The following LIFR variants were observed in gnomAD, a reference collection of about 807,000 sequenced individuals.
LIFR encodes LIF receptor subunit alpha, also known as leukemia inhibitory factor receptor.
Under a neutral mutation model 122.2 loss-of-function variants are expected in LIFR, and 84 were observed. That is an observed-to-expected ratio of 0.69 (90% CI 0.58 to 0.82). The LOEUF is 0.82. LIFR is among the 40% of genes least tolerant of loss of function. The pLI, the probability that LIFR is intolerant of heterozygous loss-of-function variation, is 0.00. For missense variants in LIFR, 1,294 were observed against 1,311.6 expected (o/e 0.99, Z 0.21); for synonymous variants, 422 against 434.7 (o/e 0.97, Z 0.36).
intron 7 of LIFR, 69 bp from the exon 8 acceptor site, chr5:38,506,701 C>T (rs762745026): frequency 3.6e-5 from 48 of 1,325,404 alleles, no homozygotes; most frequent in South Asian, 6.2e-5. Context: ...ATTTTATAAA[C>T]GTCAATGTTT....
chr5:38,550,147 T>C (rs990415272), intron 1 of LIFR: 3 of 463,962 alleles, frequency 6.5e-6, no homozygotes, highest in African/African-American at 2.1e-5. Context: ...ATTGCCCTCC[T>C]GTAAAGTTAT....
rs373729193 is a variant in LIFR, at chr5:38,481,712, A to T, written c.3177T>A (p.Ser1059Arg). 2.5e-6 allele frequency: 4 copies of T among 1,614,062 alleles called. No homozygotes were observed. Among genetic ancestry groups the T allele is most frequent in the Non-Finnish European group, 3.4e-6 (4 of 1,180,028 alleles). Reference sequence around the variant, plus strand: ...ATTGTCGGGAATTAATGGAGCATGGACTTCCAAATGAGACAATCTCACTGT... The same window carrying T: ...ATTGTCGGGAATTAATGGAGCATGGTCTTCCAAATGAGACAATCTCACTGT... ...DSNSEIVSFGSPCSINSRQFL... is the reference protein window; with the variant it reads ...DSNSEIVSFGRPCSINSRQFL... The change falls in exon 20 of 20, where the codon AGT becomes AGA. Residue 1059 changes from serine (S) to arginine (R), a missense_variant. Physicochemically the swap from Ser to Arg is moderately radical, Grantham distance 110. Transcript: ENST00000453190.
rs567584151 is a variant in LIFR, at chr5:38,486,412, G to C, written c.2336-432C>G. Among the ~76,000 whole-genome samples, 23 of 152,334 alleles carry C rather than the reference G, an allele frequency of 1.5e-4. No individual in the cohort carries two copies. The South Asian group carries it at 4.6e-3, about 30-fold the overall frequency. On this transcript the variant is annotated intron_variant, in intron 16 of 19. Transcript: ENST00000453190. ...GATGAAGCAAACCTGCAGATCAATA[G>C]AGATGACTCCAAACCACTTAGAAAA...
intron 1 of LIFR, among the ~76,000 whole-genome samples, chr5:38,540,908 TA>T (rs1747556842): frequency 6.6e-6 from 1 of 152,174 alleles, no homozygotes; most frequent in Non-Finnish European, 1.5e-5. Context: ...GAAATAATCT[TA>T]AAATATAAAC....
chr5:38,526,108 A>T (rs1746664195), intron 4 of LIFR, among the ~76,000 whole-genome samples: 1 of 152,224 alleles, frequency 6.6e-6, no homozygotes, highest in African/African-American at 2.4e-5. Flanking sequence ...ATTAACTGCC[A>T]TCTGCATTTC....
At chr5:38,485,689 C>T in intron 17 of LIFR, 130 bp downstream of exon 17, 3 of 988,472 alleles carry the variant, frequency 3.0e-6, no homozygotes, top group Non-Finnish European at 4.7e-6. Flanking sequence ...TTCCCTCTAC[C>T]AGCCAAAAAC....
intron 6 of LIFR, among the ~76,000 whole-genome samples, chr5:38,511,359 G>C (rs570083681): frequency 2.6e-5 from 4 of 152,172 alleles, no homozygotes; most frequent in African/African-American, 9.6e-5. Flanking sequence ...CTGTATATGA[G>C]TTTTACTTAA....
At chr5:38,489,926 T>C (rs560641128) in intron 15 of LIFR, among the ~76,000 whole-genome samples, 1 of 137,150 alleles carries the variant, frequency 7.3e-6, no homozygotes, top group Admixed American at 8.2e-5. Context: ...GCCCAGGAGG[T>C]TGAGGCTGAA....
At chr5:38,556,016 T>G (rs185319427) in intron 1 of LIFR, among the ~76,000 whole-genome samples, 1 of 152,214 alleles carries the variant, frequency 6.6e-6, no homozygotes, top group Admixed American at 6.5e-5. Context: ...CGAAATCACC[T>G]GGCAGGTCAC....
At chr5:38,509,909 C>T (rs914222402) in intron 7 of LIFR, among the ~76,000 whole-genome samples, 17 of 152,160 alleles carry the variant, frequency 1.1e-4, no homozygotes, top group African/African-American at 3.9e-4. Flanking sequence ...TGTTAATAGA[C>T]ACCTTGAATG....
chr5:38,536,155 A>T (rs1747284673), intron 1 of LIFR, among the ~76,000 whole-genome samples: 1 of 152,204 alleles, frequency 6.6e-6, no homozygotes, highest in Admixed American at 6.5e-5. Context: ...GCTGGTTTCC[A>T]AGATTTGGGA....
At chr5:38,484,618 C>T (rs1302974944) in intron 18 of LIFR, among the ~76,000 whole-genome samples, 157 bp downstream of exon 18, 1 of 152,096 alleles carries the variant, frequency 6.6e-6, no homozygotes, top group African/African-American at 2.4e-5. Flanking sequence ...ATGTCATGTT[C>T]TTAATATTAA....
At chr5:38,486,868 T>A (rs1744313034) in intron 16 of LIFR, among the ~76,000 whole-genome samples, 1 of 152,236 alleles carries the variant, frequency 6.6e-6, no homozygotes, top group Non-Finnish European at 1.5e-5. Context: ...AATTCAGTGT[T>A]TGGATTACTA....
rs1744002571 is a variant in LIFR at position 38,481,798 on chromosome 5, G to C, written c.3091C>G (p.Gln1031Glu). 2 of 1,614,078 alleles carry C rather than the reference G, an allele frequency of 1.2e-6. No individual in the cohort carries two copies. Among genetic ancestry groups the C allele is most frequent in the Non-Finnish European group, 1.7e-6 (2 of 1,179,988 alleles). The part of the protein sequence containing the change: ...DLDKTAGYRP[Q>E]ANVNTWNLVS... ...AAATTCCATGTATTTACATTGGCCT[G>C]AGGTCTGTAACCCGCAGTTTTATCT... The change falls in exon 20 of 20, where the codon CAG becomes GAG. Residue 1031 changes from glutamine to glutamate, a missense_variant. Coordinates refer to ENST00000453190, the MANE Select transcript of LIFR (RefSeq NM_001127671.2).
chr5:38,512,311 T>C lies in LIFR; in HGVS notation c.562-347A>G, dbSNP rs1040143395. On this transcript the variant is annotated intron_variant, in intron 5 of 19. Coordinates refer to ENST00000453190, the MANE Select transcript of LIFR (RefSeq NM_001127671.2). Reference sequence around the variant, plus strand: ...GCATTATATACTTCTCAGATGAGCATCTCTAATCTAAAAATCTAAAATCTG... The same window carrying C: ...GCATTATATACTTCTCAGATGAGCACCTCTAATCTAAAAATCTAAAATCTG... 3.9e-5 allele frequency among the ~76,000 whole-genome samples: 6 copies of C among 151,972 alleles called. No individual in the cohort carries two copies. In the East Asian group the frequency reaches 1.2e-3, roughly 29 times the overall value.
chr5:38,599,685 C>G (rs1010062441), upstream of LIFR, among the ~76,000 whole-genome samples: 8 of 152,090 alleles, frequency 5.3e-5, no homozygotes, highest in Non-Finnish European at 7.4e-5. Flanking sequence ...TTACAGACTC[C>G]TTGGTGTTGG....
intron 1 of LIFR, among the ~76,000 whole-genome samples, chr5:38,587,115 A>G (rs1749774310): frequency 2.6e-5 from 4 of 152,084 alleles, no homozygotes; most frequent in South Asian, 4.2e-4. Flanking sequence ...CCACAGGACT[A>G]CACCCTGGGA....
chr5:38,565,902 A>C (rs931803551), intron 1 of LIFR, among the ~76,000 whole-genome samples: 28 of 152,208 alleles, frequency 1.8e-4, no homozygotes, highest in African/African-American at 4.6e-4. Flanking sequence ...GATTTTTAAA[A>C]CTTAGTGTTC....
At chr5:38,508,661 C>G (rs1309903617) in intron 7 of LIFR, among the ~76,000 whole-genome samples, 6 of 151,966 alleles carry the variant, frequency 3.9e-5, no homozygotes, top group Non-Finnish European at 7.4e-5. Context: ...ACTGCAAGCT[C>G]CGCCTCCTGG....
Sources: gnomAD v4.1 joint callset for allele counts (sites outside exome capture counted in the v4.1 genomes callset) on GRCh38, gnomAD v4.1.1 for gene constraint, MANE v1.5 for transcripts, NCBI Gene and HGNC (gene_info 2026-07-23, HGNC 2026-07-21) for gene names.